The following FAT3 variants were observed in gnomAD, a reference collection of about 807,000 sequenced individuals.
FAT3 encodes the protein FAT atypical cadherin 3, also known as protocadherin Fat 3.
FAT3 carries 95 observed loss-of-function variants against 310.2 expected under a neutral mutation model. The observed-to-expected ratio is 0.31, with a 90% CI of 0.26 to 0.36. The LOEUF is 0.36. Among genes scored for constraint, FAT3 ranks in the 10% least tolerant of loss-of-function variants. FAT3 has a pLI of 1.00. For missense variants in FAT3, 5,408 were observed against 5,715.6 expected (o/e 0.95, Z 1.74); for synonymous variants, 2,314 against 2,192.9 (o/e 1.06, Z -1.54).
At chr11:92,382,968 T>C (rs892313628) in intron 2 of FAT3, among the ~76,000 whole-genome samples, 1 of 152,204 alleles carries the variant, frequency 6.6e-6, no homozygotes, top group Non-Finnish European at 1.5e-5. Flanking sequence ...CATTCGCTAT[T>C]CTTCCCGATG....
chr11:92,532,721 A>G (rs1036201007), intron 3 of FAT3, among the ~76,000 whole-genome samples: 9 of 152,210 alleles, frequency 5.9e-5, no homozygotes, highest in African/African-American at 2.2e-4. Flanking sequence ...TGAAGGGATT[A>G]ATTTCAGAGT....
At chr11:92,658,638 C>T (rs935205261) in intron 3 of FAT3, among the ~76,000 whole-genome samples, 1 of 152,182 alleles carries the variant, frequency 6.6e-6, no homozygotes, top group Admixed American at 6.5e-5. Context: ...AGGCTGCTGA[C>T]TCCGTACTGA....
intron 4 of FAT3, among the ~76,000 whole-genome samples, chr11:92,747,403 G>T (rs945933808): frequency 1.3e-5 from 2 of 152,198 alleles, no homozygotes; most frequent in Non-Finnish European, 2.9e-5. Flanking sequence ...ATGTCCTGAG[G>T]CTGCACAGAG....
chr11:92,466,697 G>A (rs1052092131), intron 2 of FAT3, among the ~76,000 whole-genome samples: 13 of 148,566 alleles, frequency 8.8e-5, no homozygotes, highest in African/African-American at 3.0e-4. Context: ...TCGTCATTTA[G>A]CATTAGGTGT....
At chr11:92,362,448 T>C (rs2134678811) in intron 2 of FAT3, among the ~76,000 whole-genome samples, 1 of 152,292 alleles carries the variant, frequency 6.6e-6, no homozygotes, top group South Asian at 2.1e-4. Flanking sequence ...AGTGGGCTCT[T>C]TTGCTGTCTG....
At chr11:92,325,150 CA>C in intron 1 of FAT3, among the ~76,000 whole-genome samples, 1 of 152,320 alleles carries the variant, frequency 6.6e-6, no homozygotes, top group Non-Finnish European at 1.5e-5. Context: ...CATTAAGGTA[CA>C]ATTATGACAA....
rs1369220099 is a variant in FAT3, at chr11:92,801,191, A to G, written c.8178A>G (p.Thr2726=). ...CAGAAGATACAGCCATTGGGAGTACAGTGGACACCCTGAGGATTTTGCCCA... is the reference window on the plus strand; with the variant it reads ...CAGAAGATACAGCCATTGGGAGTACGGTGGACACCCTGAGGATTTTGCCCA... ...TIAEDTAIGS[T]VDTLRILPSQ... The change falls in exon 10 of 28, where the codon ACA becomes ACG. Residue 2726 remains threonine, a synonymous_variant. Transcript: ENST00000525166. 1.2e-6 allele frequency: 2 copies of G among 1,613,892 alleles called. No homozygotes were observed. The highest frequency in any genetic ancestry group is 8.5e-7 in the Non-Finnish European group (1 of 1,179,868).
At chr11:92,426,937 A>G (rs1357279569) in intron 2 of FAT3, among the ~76,000 whole-genome samples, 1 of 152,166 alleles carries the variant, frequency 6.6e-6, no homozygotes, top group African/African-American at 2.4e-5. Flanking sequence ...CTTAATGGGT[A>G]TAGCATTGAA....
chr11:92,351,642 A>G (rs1301672407), intron 1 of FAT3, among the ~76,000 whole-genome samples: 2 of 150,166 alleles, frequency 1.3e-5, no homozygotes, highest in Non-Finnish European at 2.9e-5. Flanking sequence ...TCAGTCCTCT[A>G]TTGATAGGCA....
At position 92,441,960 on chromosome 11, in the gene FAT3, C is replaced by A. The variant is rs140215851; in HGVS notation, c.3293-82674C>A. ...ACTTTCAGCAGACACGTTCACGACT[C>A]AGGAGCTACTCAAGAAGGGACAGCT... On this transcript the variant is annotated intron_variant, in intron 2 of 27. Coordinates refer to ENST00000525166, the MANE Select transcript of FAT3 (RefSeq NM_001367949.2). Among the ~76,000 whole-genome samples the A allele has an allele frequency of 5.1e-4, 77 of 151,382 alleles. 1 individual carries two copies. The highest frequency in any genetic ancestry group is 1.1e-3 in the Admixed American group (17 of 15,174).
intron 22 of FAT3, among the ~76,000 whole-genome samples, chr11:92,880,452 T>C (rs1192135054): frequency 6.6e-6 from 1 of 151,740 alleles, no homozygotes; most frequent in East Asian, 1.9e-4. Context: ...TGGGTTCTGC[T>C]CTTGAAATCT....
At chr11:92,580,774 G>A (rs922295879) in intron 3 of FAT3, among the ~76,000 whole-genome samples, 7 of 151,984 alleles carry the variant, frequency 4.6e-5, no homozygotes, top group African/African-American at 1.7e-4. Flanking sequence ...TGCCATTGTG[G>A]TCTGGCCTTC....
At chr11:92,370,693 T>C (rs1327794556) in intron 2 of FAT3, among the ~76,000 whole-genome samples, 1 of 152,206 alleles carries the variant, frequency 6.6e-6, no homozygotes, top group African/African-American at 2.4e-5. Flanking sequence ...TACACTGATA[T>C]TTATCCTAGA....
intron 4 of FAT3, among the ~76,000 whole-genome samples, chr11:92,757,348 G>C (rs1013776066): frequency 6.6e-6 from 1 of 152,168 alleles, no homozygotes; most frequent in African/African-American, 2.4e-5. Flanking sequence ...ATCTAGGTGA[G>C]GATGGTTCTC....
At chr11:92,622,988 C>T (rs1941155434) in intron 3 of FAT3, among the ~76,000 whole-genome samples, 1 of 152,124 alleles carries the variant, frequency 6.6e-6, no homozygotes, top group African/African-American at 2.4e-5. Context: ...CCCAGAGAAG[C>T]ATCCCAGCAA....
intron 3 of FAT3, among the ~76,000 whole-genome samples, chr11:92,620,996 C>T (rs1941059724): frequency 6.6e-6 from 1 of 152,164 alleles, no homozygotes. Flanking sequence ...CTAATCCCAT[C>T]ATGCAGGCTC....
rs182642310 is a variant in FAT3, at chr11:92,585,163, G to A, written c.3607+60215G>A. Among the ~76,000 whole-genome samples, 12 of 152,182 alleles carry A rather than the reference G, an allele frequency of 7.9e-5. No homozygotes were observed. The East Asian group carries it at 1.5e-3, about 20-fold the overall frequency. ...GTCCCAGATTCTGTTGTATGATATG[G>A]ACGTTGTATAGACGTGAAGGGTTGG... On this transcript the variant is annotated intron_variant, in intron 3 of 27. Transcript: ENST00000525166.
chr11:92,285,601 A>G (rs1946542276), intron 1 of FAT3, among the ~76,000 whole-genome samples: 1 of 152,134 alleles, frequency 6.6e-6, no homozygotes, highest in Non-Finnish European at 1.5e-5. Flanking sequence ...ATTTTGGGAA[A>G]GACACTTAGG....
At chr11:92,300,478 G>C (rs1946970646) in intron 1 of FAT3, among the ~76,000 whole-genome samples, 1 of 152,126 alleles carries the variant, frequency 6.6e-6, no homozygotes. Flanking sequence ...CAGATAGGCT[G>C]TTATGTCAGA....
Sources: gnomAD v4.1 joint callset for allele counts (sites outside exome capture counted in the v4.1 genomes callset) on GRCh38, gnomAD v4.1.1 for gene constraint, MANE v1.5 for transcripts, NCBI Gene and HGNC (gene_info 2026-07-23, HGNC 2026-07-21) for gene names.